The following EAF2 variants were observed in gnomAD, a reference collection of about 807,000 sequenced individuals.
EAF2 encodes the protein ELL associated factor 2, also known as ELL-associated factor 2.
A neutral mutation model predicts 29.4 loss-of-function variants in EAF2; 29 were observed. The ratio of observed to expected loss-of-function variants is 0.99; its 90% CI spans 0.73 to 1.35. The LOEUF (loss-of-function observed/expected upper bound fraction) is 1.35, where lower values mean the gene tolerates loss of function less well. Ranked by LOEUF, EAF2 falls within the 40% of genes most tolerant of loss-of-function variation. EAF2 has a pLI of 0.00. For missense variants in EAF2, 292 were observed against 312.0 expected, an observed-to-expected ratio of 0.94 and a Z score of 0.48; for synonymous variants, 103 against 102.5, an observed-to-expected ratio of 1.00 and a Z score of -0.03.
intron 2 of EAF2, among the ~76,000 whole-genome samples, chr3:121,847,708 A>C (rs1293835531): frequency 6.6e-6 from 1 of 152,172 alleles, no homozygotes; most frequent in Non-Finnish European, 1.5e-5. Flanking sequence ...AGATGGTCTA[A>C]CCATTGTTTT....
intron 4 of EAF2, among the ~76,000 whole-genome samples, chr3:121,863,621 A>G (rs1352941814): frequency 6.6e-6 from 1 of 152,172 alleles, no homozygotes; most frequent in African/African-American, 2.4e-5. Context: ...TTGCTAGGAA[A>G]GGGAATTCCC....
At chr3:121,845,288 A>C (rs1289220679) in intron 2 of EAF2, among the ~76,000 whole-genome samples, 1 of 151,896 alleles carries the variant, frequency 6.6e-6, no homozygotes, top group Admixed American at 6.6e-5. Context: ...AAATACAAAA[A>C]TTAGCCAGTC....
chr3:121,876,162 C>T (rs762358956), intron 5 of EAF2, among the ~76,000 whole-genome samples: 28 of 151,846 alleles, frequency 1.8e-4, no homozygotes, highest in Admixed American at 1.1e-3. Flanking sequence ...TTAAAAACTA[C>T]AGAGAAGACA....
intron 4 of EAF2, among the ~76,000 whole-genome samples, chr3:121,869,240 T>C (rs1341995303): frequency 8.5e-5 from 13 of 152,214 alleles, no homozygotes; most frequent in Admixed American, 8.5e-4. Flanking sequence ...TTTATGGCAC[T>C]AAATGCTTAC....
chr3:121,853,423 A>G (rs1417620015), intron 2 of EAF2, among the ~76,000 whole-genome samples: 1 of 151,440 alleles, frequency 6.6e-6, no homozygotes, highest in African/African-American at 2.4e-5. Flanking sequence ...CCCTTTTTTA[A>G]TTTATCTTTT....
intron 2 of EAF2, among the ~76,000 whole-genome samples, chr3:121,848,741 A>G (rs1708576843): frequency 1.3e-5 from 2 of 152,186 alleles, no homozygotes; most frequent in South Asian, 4.1e-4. Flanking sequence ...TTGTGTCTAC[A>G]CACACACAGG....
At chr3:121,866,608 C>G (rs1273940192) in intron 4 of EAF2, among the ~76,000 whole-genome samples, 1 of 152,044 alleles carries the variant, frequency 6.6e-6, no homozygotes, top group Admixed American at 6.6e-5. Context: ...ACCTATAATT[C>G]CAGCTACTTG....
intron 2 of EAF2, among the ~76,000 whole-genome samples, chr3:121,848,967 C>A (rs1352623466): frequency 6.6e-6 from 1 of 152,016 alleles, no homozygotes; most frequent in Non-Finnish European, 1.5e-5. Context: ...GGTATGTAGT[C>A]CTTGAACAAT....
At position 121,886,019 on chromosome 3, in the gene EAF2, ATAGTT is replaced by A. The variant is rs150630784; in HGVS notation, c.737-320_737-316del. Reference sequence around the variant, plus strand: ...CATTTTTTTCACTCTTCAAAGTGATATAGTTTAATCTTCTAAACTACATTTTTCTC... The same window carrying A: ...CATTTTTTTCACTCTTCAAAGTGATATAATCTTCTAAACTACATTTTTCTC... On this transcript the variant is annotated intron_variant, in intron 5 of 5. Transcript: ENST00000273668. 7.9e-4 allele frequency among the ~76,000 whole-genome samples: 120 copies of A among 152,294 alleles called. 1 individual carries two copies. Among genetic ancestry groups the A allele is most frequent in the African/African-American group, 2.8e-3 (116 of 41,554 alleles).
intron 1 of EAF2, among the ~76,000 whole-genome samples, chr3:121,840,509 G>GAAAAAAAAAAAAAAAAAAAA (rs869127997): frequency 1.8e-5 from 1 of 55,682 alleles, no homozygotes; most frequent in African/African-American, 6.6e-5. Flanking sequence ...AAAAAAAAAA[G>GAAAAAAAAAAAAAAAAAAAA]AAAAAAAAAA....
rs1055316252 is a variant in EAF2, at chr3:121,835,595, A to T, written c.106+204A>T. On this transcript the variant is annotated intron_variant, in intron 1 of 5. Transcript: ENST00000273668. ...GAATCGGAGTAGAGCAAATGTGGGTAAACCCTGGACAGAGAGCGTTGAGAC... is the reference window on the plus strand; with the variant it reads ...GAATCGGAGTAGAGCAAATGTGGGTTAACCCTGGACAGAGAGCGTTGAGAC... 3.9e-5 allele frequency among the ~76,000 whole-genome samples: 6 copies of T among 152,258 alleles called. No individual in the cohort carries two copies. The South Asian group carries it at 1.2e-3, about 32-fold the overall frequency.
chr3:121,848,902 G>A (rs1204491450), intron 2 of EAF2, among the ~76,000 whole-genome samples: 1 of 151,896 alleles, frequency 6.6e-6, no homozygotes, highest in African/African-American at 2.4e-5. Context: ...AAAAAAAAGA[G>A]AATGAAAGAG....
intron 1 of EAF2, among the ~76,000 whole-genome samples, chr3:121,840,696 A>C (rs1448632658): frequency 6.9e-6 from 1 of 145,868 alleles, no homozygotes; most frequent in Non-Finnish European, 1.5e-5. Flanking sequence ...GGTCCCAGCC[A>C]TTCGGGAGGC....
intron 5 of EAF2, among the ~76,000 whole-genome samples, chr3:121,879,271 T>C (rs1390815368): frequency 6.6e-6 from 1 of 152,168 alleles, no homozygotes; most frequent in Non-Finnish European, 1.5e-5. Flanking sequence ...AATTTCTATA[T>C]ATTCTGGTTT....
intron 1 of EAF2, chr3:121,837,308 G>A (rs894970507): frequency 2.0e-5 from 3 of 152,132 alleles, no homozygotes; most frequent in Non-Finnish European, 4.4e-5. Flanking sequence ...AGTGAGGTTT[G>A]AAAATTGTAG....
chr3:121,840,888 A>G (rs1184676866), intron 1 of EAF2, among the ~76,000 whole-genome samples: 3 of 151,882 alleles, frequency 2.0e-5, no homozygotes, highest in Non-Finnish European at 1.5e-5. Context: ...TAAATGCTAC[A>G]GGAATGGAGA....
chr3:121,848,878 G>GC lies in EAF2; in HGVS notation c.201+4340dup, dbSNP rs35162657. On this transcript the variant is annotated intron_variant, in intron 2 of 5. Transcript: ENST00000273668. Reference sequence around the variant, plus strand: ...TTAAAAAATAAGGGTTATTTTAAAAGCCCCCCCCCACACAAAAAAAAGAGA... The same window carrying GC: ...TTAAAAAATAAGGGTTATTTTAAAAGCCCCCCCCCCACACAAAAAAAAGAGA... Among the ~76,000 whole-genome samples, 508 of 150,634 alleles carry GC rather than the reference G, an allele frequency of 3.4e-3. 3 individuals carry two copies. Among genetic ancestry groups the GC allele is most frequent in the Non-Finnish European group, 5.1e-3 (347 of 67,592 alleles).
rs79028948 is a variant in EAF2, at chr3:121,854,032, G to A, written c.202-655G>A. Among the ~76,000 whole-genome samples the A allele has an allele frequency of 4.4e-3, 662 of 152,162 alleles. 4 individuals are homozygous for A. The highest frequency in any genetic ancestry group is 0.015 in the African/African-American group (632 of 41,558). On this transcript the variant is annotated intron_variant, in intron 2 of 5. Coordinates refer to ENST00000273668, the MANE Select transcript of EAF2 (RefSeq NM_018456.6). ...ATAAAGCAATAAGAAAGAAGATGAG[G>A]AGGCTGGGCACAGTGGCTTCTGCCT...
chr3:121,863,506 G>A (rs900222465), intron 4 of EAF2, among the ~76,000 whole-genome samples: 8 of 152,164 alleles, frequency 5.3e-5, no homozygotes, highest in East Asian at 1.9e-4. Context: ...AGCCAGGTGC[G>A]GGATATAATC....
Sources: allele counts gnomAD v4.1 joint callset (sites outside exome capture counted in the v4.1 genomes callset), GRCh38; gene constraint gnomAD v4.1.1; transcripts MANE v1.5; gene names NCBI Gene and HGNC (gene_info 2026-07-23, HGNC 2026-07-21).